AUTS2: variants seen among roughly 807,000 people sequenced by gnomAD.
The protein encoded by AUTS2 is activator of transcription and developmental regulator AUTS2, also known as autism susceptibility gene 2 protein.
Under a neutral mutation model 112.4 loss-of-function variants are expected in AUTS2, and 17 were observed. That is an observed-to-expected ratio of 0.15 (90% CI 0.10 to 0.23). AUTS2 has a LOEUF of 0.23. AUTS2 is among the 10% of genes least tolerant of loss of function. The probability of loss-of-function intolerance (pLI) is 1.00; values close to 1 mark genes in which losing one functional copy is unlikely to be tolerated. For missense variants in AUTS2, 1,510 were observed against 1,701.6 expected (o/e 0.89, Z 1.98); for synonymous variants, 751 against 702.7 (o/e 1.07, Z -1.09).
chr7:69,659,451 A>AT (rs57592846), intron 1 of AUTS2, among the ~76,000 whole-genome samples: 6,228 of 137,778 alleles, frequency 0.045, 184 homozygotes, highest in African/African-American at 0.086. Flanking sequence ...TTGGGAAGCA[A>AT]TTTTTTTTTT....
intron 5 of AUTS2, among the ~76,000 whole-genome samples, chr7:70,483,514 A>G (rs527428078): frequency 6.6e-6 from 1 of 152,284 alleles, no homozygotes; most frequent in African/African-American, 2.4e-5. Flanking sequence ...GGGAGACAGG[A>G]CTGAGTGGCA....
In AUTS2 at chr7:70,766,084, C is replaced by T. The variant is rs2293509; in HGVS notation, c.1469-30C>T. 0.16 allele frequency: 252,731 copies of T among 1,601,384 alleles called. 23,377 individuals are homozygous for T. Among genetic ancestry groups the T allele is most frequent in the East Asian group, 0.42 (18,856 of 44,590 alleles). On this transcript the variant is annotated intron_variant, in intron 8 of 18. Transcript: ENST00000342771. The surrounding 1 kb of genome is among the most constrained non-coding windows in gnomAD (Gnocchi z 4.8). ...CGATGTCCTTTTCTGAAGGAAAAGG[C>T]GTCATCGTCTCCCTCTTCTTCTCTT...
chr7:69,718,687 T>C (rs554818925), intron 1 of AUTS2, among the ~76,000 whole-genome samples: 2 of 152,292 alleles, frequency 1.3e-5, no homozygotes, highest in South Asian at 4.1e-4. Context: ...CCCTTTGCTA[T>C]GTGTAGTAAC....
At chr7:69,643,144 C>G (rs956033129) in intron 1 of AUTS2, among the ~76,000 whole-genome samples, 2 of 152,226 alleles carry the variant, frequency 1.3e-5, no homozygotes, top group Middle Eastern at 3.2e-3. Flanking sequence ...AGGCCACCCA[C>G]ATATCCTTGT....
At chr7:70,655,530 G>A (rs1283219127) in intron 5 of AUTS2, among the ~76,000 whole-genome samples, 4 of 152,180 alleles carry the variant, frequency 2.6e-5, no homozygotes, top group Non-Finnish European at 4.4e-5. Flanking sequence ...ATGTGGCACC[G>A]TGCTTTACGG....
intron 2 of AUTS2, among the ~76,000 whole-genome samples, chr7:70,094,769 G>C (rs1358566042): frequency 6.6e-6 from 1 of 152,174 alleles, no homozygotes; most frequent in Admixed American, 6.5e-5. Flanking sequence ...TTTATAGTTC[G>C]TGAGTTCAAG....
chr7:70,111,169 G>A (rs768420717), intron 2 of AUTS2, among the ~76,000 whole-genome samples: 23 of 151,978 alleles, frequency 1.5e-4, no homozygotes, highest in Non-Finnish European at 2.8e-4. Context: ...ATGAGCCACC[G>A]CGCCCAGCCC....
chr7:70,571,692 C>T (rs146188091), intron 5 of AUTS2, among the ~76,000 whole-genome samples: 6 of 152,344 alleles, frequency 3.9e-5, no homozygotes, highest in East Asian at 3.9e-4. Flanking sequence ...GGGAAACTTT[C>T]GCCTCTGTGG....
At chr7:69,711,814 A>G (rs570048666) in intron 1 of AUTS2, among the ~76,000 whole-genome samples, 2 of 152,336 alleles carry the variant, frequency 1.3e-5, no homozygotes, top group South Asian at 2.1e-4. Context: ...GACTATCCAC[A>G]AAGTGTACAT....
intron 5 of AUTS2, among the ~76,000 whole-genome samples, chr7:70,611,187 T>C (rs573883638): frequency 1.1e-4 from 17 of 152,332 alleles, no homozygotes; most frequent in Admixed American, 1.1e-3. Context: ...CCTCTGCACG[T>C]AGGTATGCAG....
intron 1 of AUTS2, among the ~76,000 whole-genome samples, chr7:69,751,885 T>C (rs542490536): frequency 2.0e-5 from 3 of 152,308 alleles, no homozygotes; most frequent in Admixed American, 1.3e-4. Context: ...ATAGTAGTTA[T>C]AACAAAACTT....
chr7:69,772,186 A>G (rs1202842662), intron 1 of AUTS2, among the ~76,000 whole-genome samples: 4 of 152,180 alleles, frequency 2.6e-5, no homozygotes, highest in African/African-American at 9.7e-5. Context: ...CAAAATTGTT[A>G]CCTTGTGCAA....
At chr7:70,495,304 A>G (rs1798411678) in intron 5 of AUTS2, among the ~76,000 whole-genome samples, 1 of 151,434 alleles carries the variant, frequency 6.6e-6, no homozygotes, top group Non-Finnish European at 1.5e-5. Context: ...ACTAGGGACC[A>G]GATGAAAAGT....
chr7:70,625,411 T>A (rs1376002324), intron 5 of AUTS2, among the ~76,000 whole-genome samples: 3 of 152,222 alleles, frequency 2.0e-5, no homozygotes, highest in African/African-American at 7.2e-5. Flanking sequence ...ATTCACACAA[T>A]ACTTGACAGT....
chr7:69,686,219 C>G (rs551732822), intron 1 of AUTS2, among the ~76,000 whole-genome samples: 1 of 152,220 alleles, frequency 6.6e-6, no homozygotes, highest in East Asian at 1.9e-4. Context: ...ACAACAGGAG[C>G]TGATATTTGA....
chr7:69,902,647 T>C (rs905563380), intron 2 of AUTS2, among the ~76,000 whole-genome samples: 11 of 152,204 alleles, frequency 7.2e-5, no homozygotes, highest in African/African-American at 2.4e-4. Context: ...AGGATTTTTT[T>C]TTCTGAGACT....
At chr7:70,488,178 G>A (rs1428194884) in intron 5 of AUTS2, among the ~76,000 whole-genome samples, 1 of 152,220 alleles carries the variant, frequency 6.6e-6, no homozygotes, top group Non-Finnish European at 1.5e-5. Context: ...TCTGTCCTTG[G>A]AGGGCTGGAG....
At chr7:69,861,336 G>A (rs1235497733) in intron 1 of AUTS2, among the ~76,000 whole-genome samples, 2 of 152,128 alleles carry the variant, frequency 1.3e-5, no homozygotes, top group African/African-American at 2.4e-5. Context: ...GGGAAAATAG[G>A]GAGGATGCCA....
intron 5 of AUTS2, among the ~76,000 whole-genome samples, chr7:70,624,773 A>G (rs1804851160): frequency 6.6e-6 from 1 of 152,252 alleles, no homozygotes; most frequent in African/African-American, 2.4e-5. Context: ...AGATTTAGTC[A>G]GATGACAAAG....
Sources: gnomAD v4.1 joint callset for allele counts (sites outside exome capture counted in the v4.1 genomes callset) on GRCh38, gnomAD v4.1.1 for gene constraint, Gnocchi (gnomAD v3.1) non-coding constraint, MANE v1.5 for transcripts, NCBI Gene and HGNC (gene_info 2026-07-23, HGNC 2026-07-21) for gene names.